RAD51B: variants seen among roughly 807,000 people sequenced by gnomAD.
RAD51B encodes RAD51 paralog B, also known as DNA repair protein RAD51 homolog 2.
A neutral mutation model predicts 42.2 loss-of-function variants in RAD51B; 38 were observed. That is an observed-to-expected ratio of 0.90 (90% CI 0.70 to 1.18). RAD51B has a LOEUF of 1.18. Ranked by LOEUF, RAD51B falls within the 50% of genes most tolerant of loss-of-function variation. The probability of loss-of-function intolerance (pLI) is 0.00; values close to 1 mark genes in which losing one functional copy is unlikely to be tolerated. For missense variants in RAD51B, 373 were observed against 400.7 expected, an observed-to-expected ratio of 0.93 and a Z score of 0.59; for synonymous variants, 154 against 145.2, an observed-to-expected ratio of 1.06 and a Z score of -0.43.
At chr14:68,266,560 C>T (rs1348790904) in intron 7 of RAD51B, among the ~76,000 whole-genome samples, 1 of 152,210 alleles carries the variant, frequency 6.6e-6, no homozygotes, top group Non-Finnish European at 1.5e-5. Context: ...TTCCAATGTC[C>T]TTTAGCTTAA....
chr14:67,982,317 G>A (rs559496420), intron 7 of RAD51B, among the ~76,000 whole-genome samples: 6 of 152,262 alleles, frequency 3.9e-5, no homozygotes, highest in Middle Eastern at 3.4e-3. Context: ...AAATTGTAAA[G>A]AGGTGTTAAA....
At chr14:68,080,886 G>A (rs1595369159) in intron 7 of RAD51B, among the ~76,000 whole-genome samples, 1 of 152,120 alleles carries the variant, frequency 6.6e-6, no homozygotes. Flanking sequence ...AAAAATAGAG[G>A]GCCTTGGGAC....
intron 7 of RAD51B, among the ~76,000 whole-genome samples, chr14:68,044,439 G>C (rs1034136844): frequency 3.9e-5 from 6 of 152,182 alleles, no homozygotes; most frequent in Admixed American, 1.3e-4. Flanking sequence ...CTGCTTAAAA[G>C]TCAAAACACA....
At chr14:68,226,705 G>A (rs1009435297) in intron 7 of RAD51B, among the ~76,000 whole-genome samples, 1 of 152,148 alleles carries the variant, frequency 6.6e-6, no homozygotes, top group Non-Finnish European at 1.5e-5. Context: ...TAGCGCATGA[G>A]AACATACTAA....
intron 7 of RAD51B, among the ~76,000 whole-genome samples, chr14:68,015,697 T>C (rs1010211876): frequency 7.9e-5 from 12 of 152,286 alleles, no homozygotes; most frequent in Admixed American, 3.3e-4. Context: ...GTGGGGATTA[T>C]GGGAGCTGCA....
chr14:68,642,155 C>T (rs1296520024), intron 10 of RAD51B, among the ~76,000 whole-genome samples: 1 of 152,202 alleles, frequency 6.6e-6, no homozygotes, highest in East Asian at 1.9e-4. Flanking sequence ...CTTCTATCTT[C>T]TGAAAGAGAT....
chr14:68,184,524 C>T (rs562955906), intron 7 of RAD51B, among the ~76,000 whole-genome samples: 5 of 149,614 alleles, frequency 3.3e-5, no homozygotes, highest in Non-Finnish European at 5.9e-5. Flanking sequence ...GGATTACAGG[C>T]GTGAGCCACT....
In RAD51B at chr14:68,478,083, T is replaced by C. The variant is rs1882862680; in HGVS notation, c.*419T>C. ...GAGGGAACATTTCCGAATAAAGTAT[T>C]GTCTACCAGATAAAAAGAGTAGGTG... On this transcript the variant is annotated 3_prime_UTR_variant, in exon 11 of 11. Transcript: ENST00000471583. 2.2e-5 allele frequency: 23 copies of C among 1,056,460 alleles called. No individual in the cohort carries two copies. The highest frequency in any genetic ancestry group is 9.9e-5 in the African/African-American group (6 of 60,472). The allele number at this position is 1,056,460 out of a possible 1,614,324, so 65.4% of individuals were successfully genotyped here.
chr14:68,540,323 T>C (rs764527539), intron 10 of RAD51B: 8 of 1,048,736 alleles, frequency 7.6e-6, no homozygotes, highest in Non-Finnish European at 6.9e-6. Flanking sequence ...TGTTGGATCA[T>C]CAGACCTCTT....
chr14:68,397,965 C>G (rs2140037704), intron 8 of RAD51B, among the ~76,000 whole-genome samples: 1 of 152,342 alleles, frequency 6.6e-6, no homozygotes, highest in Middle Eastern at 3.4e-3. Context: ...CCATTCCCTC[C>G]CACGCAGGAA....
chr14:68,127,880 C>T (rs2077803997), intron 7 of RAD51B, among the ~76,000 whole-genome samples: 1 of 152,006 alleles, frequency 6.6e-6, no homozygotes, highest in African/African-American at 2.4e-5. Flanking sequence ...GATGGAATTG[C>T]CTGTTAGTTT....
chr14:67,836,784 T>G (rs1024368457), intron 4 of RAD51B, among the ~76,000 whole-genome samples: 1 of 152,138 alleles, frequency 6.6e-6, no homozygotes, highest in Admixed American at 6.6e-5. Context: ...GAGGAAGAAG[T>G]GTCAGGAATT....
At chr14:68,651,339 T>A (rs1892694450) in intron 11 of RAD51B, among the ~76,000 whole-genome samples, 1 of 152,092 alleles carries the variant, frequency 6.6e-6, no homozygotes, top group Non-Finnish European at 1.5e-5. Context: ...TGCCTGCTAA[T>A]TTTTGTATTT....
At chr14:67,831,780 G>A (rs2041057570) in intron 3 of RAD51B, among the ~76,000 whole-genome samples, 1 of 152,154 alleles carries the variant, frequency 6.6e-6, no homozygotes, top group Non-Finnish European at 1.5e-5. Flanking sequence ...CGGACCTCAG[G>A]TGATACGCCG....
intron 10 of RAD51B, among the ~76,000 whole-genome samples, chr14:68,469,886 T>C (rs760891602): frequency 6.6e-6 from 1 of 152,232 alleles, no homozygotes; most frequent in Non-Finnish European, 1.5e-5. Flanking sequence ...TTTTGTTAAA[T>C]AGCATTTCTA....
At chr14:68,646,041 G>A (rs1238283967) in intron 10 of RAD51B, among the ~76,000 whole-genome samples, 1 of 150,578 alleles carries the variant, frequency 6.6e-6, no homozygotes, top group African/African-American at 2.4e-5. Context: ...TCATATACCT[G>A]AAATTCAAAG....
At chr14:68,540,944 T>C (rs904792878) in intron 10 of RAD51B, 52 of 985,358 alleles carry the variant, frequency 5.3e-5, no homozygotes, top group Non-Finnish European at 6.1e-5. Flanking sequence ...GCATGCTTTC[T>C]TCACCCACAA....
intron 10 of RAD51B, among the ~76,000 whole-genome samples, chr14:68,639,901 T>C (rs1892421581): frequency 6.6e-6 from 1 of 151,692 alleles, no homozygotes; most frequent in South Asian, 2.1e-4. Context: ...ACAATTCTCC[T>C]GAGTAGCTGG....
chr14:68,447,058 A>G (rs763661017), intron 9 of RAD51B, among the ~76,000 whole-genome samples: 1 of 152,082 alleles, frequency 6.6e-6, no homozygotes, highest in Admixed American at 6.6e-5. Flanking sequence ...CATCTCTACT[A>G]AAAATACAAA....
Sources: allele counts gnomAD v4.1 joint callset (sites outside exome capture counted in the v4.1 genomes callset), GRCh38; gene constraint gnomAD v4.1.1; transcripts MANE v1.5; gene names NCBI Gene and HGNC (gene_info 2026-07-23, HGNC 2026-07-21).